Variants in BNIP3 observed in about 807,000 individuals in gnomAD.
BNIP3 encodes BCL2/adenovirus E1B 19 kDa protein-interacting protein 3.
Under a neutral mutation model 23.9 loss-of-function variants are expected in BNIP3, and 16 were observed. The ratio of observed to expected loss-of-function variants is 0.67; its 90% confidence interval spans 0.45 to 1.01. The LOEUF is 1.01. BNIP3 is among the 50% of genes least tolerant of loss of function. The probability of loss-of-function intolerance (pLI) is 0.00; values close to 1 mark genes in which losing one functional copy is unlikely to be tolerated. For synonymous variants in BNIP3, 81 were observed against 89.3 expected (o/e 0.91, Z 0.53); for missense variants, 198 against 248.7 (o/e 0.80, Z 1.37).
rs776909215 is a variant in BNIP3 at position 131,970,809 on chromosome 10, C to A, written c.390-22G>T. 1.9e-6 allele frequency: 3 copies of A among 1,614,228 alleles called. No individual in the cohort carries two copies. The highest frequency in any genetic ancestry group is 2.5e-6 in the Non-Finnish European group (3 of 1,180,040). ...CTCCCTGAGGCGGGAAGAAACGTGT[C>A]AGCTGATGTGTCCTCTGTCAAGGGG... On this transcript the variant is annotated intron_variant, in intron 4 of 5. Coordinates refer to ENST00000368636, the MANE Select transcript of BNIP3 (RefSeq NM_004052.4). The surrounding 1 kb of genome is among the most constrained non-coding windows in gnomAD (Gnocchi z 4.1).
intron 5 of BNIP3, 150 bp from the exon 6 acceptor site, chr10:131,968,719 C>G: frequency 1.7e-6 from 1 of 598,394 alleles, no homozygotes; most frequent in Non-Finnish European, 3.0e-6. Flanking sequence ...ATGAATCTAT[C>G]TGTGATCTTT....
In BNIP3 at chr10:131,970,514, G is replaced by C; in HGVS notation, c.539+124C>G. The C allele has an allele frequency of 2.2e-6, 3 of 1,358,900 alleles. No individual in the cohort carries two copies. Among genetic ancestry groups the C allele is most frequent in the Non-Finnish European group, 3.0e-6 (3 of 1,011,556 alleles). 84.2% of individuals were successfully genotyped at this position (1,358,900 alleles called of 1,614,324 possible). On this transcript the variant is annotated intron_variant, in intron 5 of 5. Transcript: ENST00000368636. This position sits in a 1 kb window ranked among gnomAD's most constrained non-coding sequence, Gnocchi z 4.1. ...CTGAACAGTGACTACGTGGGTGTTT[G>C]TGAAAATGCACCAAGCTGTAACTGA... is the stretch of plus-strand genomic sequence containing the variant.
chr10:131,980,275 A>G (rs1240276361), intron 1 of BNIP3: 1 of 152,236 alleles, frequency 6.6e-6, no homozygotes, highest in Non-Finnish European at 1.5e-5. Flanking sequence ...GTCAGGAGTA[A>G]CGCGGCTTCA....
chr10:131,975,659 G>A lies in BNIP3; in HGVS notation c.47-1716C>T, dbSNP rs183272184. ...AAGAGGGCTGGCCTAGGCTCCATAC[G>A]CCACTTGTTGCAGAGTCTATTTCAT... On this transcript the variant is annotated intron_variant, in intron 1 of 5. Coordinates refer to ENST00000368636, the MANE Select transcript of BNIP3 (RefSeq NM_004052.4). Among the ~76,000 whole-genome samples the A allele has an allele frequency of 8.5e-3, 1,291 of 152,218 alleles. 8 individuals are homozygous for A. Among genetic ancestry groups the A allele is most frequent in the Non-Finnish European group, 0.013 (900 of 68,012 alleles).
At chr10:131,975,862 T>C (rs1242429876) in intron 1 of BNIP3, among the ~76,000 whole-genome samples, 3 of 152,152 alleles carry the variant, frequency 2.0e-5, no homozygotes, top group African/African-American at 7.2e-5. Flanking sequence ...ACGAAGCACA[T>C]CCCTAATACA....
chr10:131,981,659 C>T (rs1227572687), intron 1 of BNIP3, 102 bp downstream of exon 1: 1 of 1,289,042 alleles, frequency 7.8e-7, no homozygotes, highest in South Asian at 1.8e-5. Context: ...GCCCGCGATG[C>T]CCCCTAGGCC....
At chr10:131,979,917 G>A (rs959717862) in intron 1 of BNIP3, among the ~76,000 whole-genome samples, 7 of 152,212 alleles carry the variant, frequency 4.6e-5, no homozygotes, top group African/African-American at 1.7e-4. Context: ...GACAGGCAGA[G>A]GTGAGCGCTG....
intron 1 of BNIP3, among the ~76,000 whole-genome samples, chr10:131,977,550 G>A (rs2037089188): frequency 6.6e-6 from 1 of 152,178 alleles, no homozygotes; most frequent in African/African-American, 2.4e-5. Context: ...TCTGGTGTCG[G>A]CTGAGGGCCT....
At chr10:131,975,363 C>T (rs577533525) in intron 1 of BNIP3, among the ~76,000 whole-genome samples, 154 of 152,240 alleles carry the variant, frequency 1.0e-3, no homozygotes, top group Non-Finnish European at 1.9e-3. Flanking sequence ...CCTCTGGTAG[C>T]GTATGGAGGA....
At chr10:131,978,208 GAC>G (rs1326142788) in intron 1 of BNIP3, among the ~76,000 whole-genome samples, 1 of 151,848 alleles carries the variant, frequency 6.6e-6, no homozygotes, top group African/African-American at 2.4e-5. Context: ...TTGCTAACAA[GAC>G]ACACAGCCAG....
chr10:131,979,455 G>A (rs1399304923), intron 1 of BNIP3, among the ~76,000 whole-genome samples: 1 of 152,172 alleles, frequency 6.6e-6, no homozygotes, highest in East Asian at 1.9e-4. Context: ...GAGTAAATGG[G>A]CATGCACTTT....
chr10:131,980,010 G>A (rs1351558129), intron 1 of BNIP3, among the ~76,000 whole-genome samples: 2 of 151,678 alleles, frequency 1.3e-5, no homozygotes, highest in Non-Finnish European at 2.9e-5. Context: ...AGCCCACAGT[G>A]GCCCCGTCCT....
Position 131,970,407 on chromosome 10 carries a change from G to A in BNIP3, c.539+231C>T, listed in dbSNP as rs1398476409. 1 of 597,954 alleles carries A rather than the reference G, an allele frequency of 1.7e-6. No individual in the cohort carries two copies. Among genetic ancestry groups the A allele is most frequent in the Non-Finnish European group, 2.9e-6 (1 of 343,844 alleles). The allele number at this position is 597,954 out of a possible 1,614,324, so 37.0% of individuals were successfully genotyped here. Reference sequence around the variant, plus strand: ...TCCGTTTATATTCAGTGAGCAACAGGCAGACTCGTCAGGCCAGACAGCAGC... The same window carrying A: ...TCCGTTTATATTCAGTGAGCAACAGACAGACTCGTCAGGCCAGACAGCAGC... On this transcript the variant is annotated intron_variant, in intron 5 of 5. Transcript: ENST00000368636. The surrounding 1 kb of genome is among the most constrained non-coding windows in gnomAD (Gnocchi z 4.1).
chr10:131,970,977 T>G lies in BNIP3; in HGVS notation c.283-7A>C, dbSNP rs45569738. 1.3e-3 allele frequency: 2,106 copies of G among 1,612,126 alleles called. 25 individuals carry two copies. In the African/African-American group the frequency reaches 0.025, roughly 19 times the overall value. On this transcript the variant is annotated splice_region_variant and splice_polypyrimidine_tract_variant and intron_variant, in intron 3 of 5. Coordinates refer to ENST00000368636, the MANE Select transcript of BNIP3 (RefSeq NM_004052.4). This position sits in a 1 kb window ranked among gnomAD's most constrained non-coding sequence, Gnocchi z 4.1. ...CAATATCATCTTCCTCAGACTAAGA[T>G]AAAGTCAATGTTAAAGGCAGATCAG... is the stretch of plus-strand genomic sequence containing the variant.
At chr10:131,972,614 A>G (rs1466794987) in intron 3 of BNIP3, among the ~76,000 whole-genome samples, 6 of 152,138 alleles carry the variant, frequency 3.9e-5, no homozygotes, top group Non-Finnish European at 4.4e-5. Context: ...AGTCCCACAC[A>G]GCATGCAAAT....
At chr10:131,978,065 C>A (rs990226735) in intron 1 of BNIP3, among the ~76,000 whole-genome samples, 1 of 152,158 alleles carries the variant, frequency 6.6e-6, no homozygotes, top group African/African-American at 2.4e-5. Context: ...GTTTACACTT[C>A]AAATCACTGT....
chr10:131,977,102 G>A (rs1450661942), intron 1 of BNIP3, among the ~76,000 whole-genome samples: 2 of 152,020 alleles, frequency 1.3e-5, no homozygotes, highest in Admixed American at 1.3e-4. Flanking sequence ...GTGAAACCCC[G>A]TCTCTACTAA....
At chr10:131,973,734 A>G in intron 2 of BNIP3, 59 bp downstream of exon 2, 1 of 1,592,230 alleles carries the variant, frequency 6.3e-7, no homozygotes, top group Non-Finnish European at 8.6e-7. Flanking sequence ...TCCAGCTGTG[A>G]CTGTCACCCA....
intron 1 of BNIP3, among the ~76,000 whole-genome samples, chr10:131,979,906 G>C (rs1301137172): frequency 6.6e-6 from 1 of 152,186 alleles, no homozygotes; most frequent in East Asian, 1.9e-4. Context: ...CAGTGAAATC[G>C]GACAGGCAGA....
Sources: allele counts gnomAD v4.1 joint callset (sites outside exome capture counted in the v4.1 genomes callset), GRCh38; gene constraint gnomAD v4.1.1; non-coding constraint Gnocchi (gnomAD v3.1); transcripts MANE v1.5; gene names NCBI Gene and HGNC (gene_info 2026-07-23, HGNC 2026-07-21).